STPG2: variants seen among roughly 807,000 people sequenced by gnomAD.
The protein encoded by STPG2 is sperm tail PG-rich repeat containing 2.
STPG2 carries 56 observed loss-of-function variants against 54.2 expected under a neutral mutation model. The ratio of observed to expected loss-of-function variants is 1.03; its 90% CI spans 0.83 to 1.29. The LOEUF is 1.29. STPG2 is among the 50% of genes most tolerant of loss of function. The pLI, the probability that STPG2 is intolerant of heterozygous loss-of-function variation, is 0.00. For synonymous variants in STPG2, 200 were observed against 181.8 expected, an observed-to-expected ratio of 1.10 and a Z score of -0.81; for missense variants, 596 against 544.9, an observed-to-expected ratio of 1.09 and a Z score of -0.93.
intron 4 of STPG2, among the ~76,000 whole-genome samples, chr4:97,544,948 A>G (rs924484351): frequency 6.6e-6 from 1 of 152,134 alleles, no homozygotes; most frequent in South Asian, 2.1e-4. Context: ...TACGAATGAC[A>G]TAAGTGATTG....
chr4:97,994,700 T>C (rs1735147069), intron 5 of STPG2, among the ~76,000 whole-genome samples: 1 of 151,962 alleles, frequency 6.6e-6, no homozygotes, highest in Non-Finnish European at 1.5e-5. Flanking sequence ...CTGGTGGAGG[T>C]AGCAGGGGAG....
At chr4:97,916,163 A>G (rs1160205531) in intron 8 of STPG2, among the ~76,000 whole-genome samples, 5 of 152,214 alleles carry the variant, frequency 3.3e-5, no homozygotes, top group African/African-American at 1.2e-4. Flanking sequence ...ATGTTTGGAC[A>G]ATAAGCTATA....
intron 5 of STPG2, among the ~76,000 whole-genome samples, chr4:98,088,998 A>C (rs1738606285): frequency 6.6e-6 from 1 of 152,142 alleles, no homozygotes; most frequent in Non-Finnish European, 1.5e-5. Context: ...AACTCTCTTG[A>C]AATTCAGTCC....
intron 10 of STPG2, among the ~76,000 whole-genome samples, chr4:97,566,710 T>C (rs536728213): frequency 6.6e-6 from 1 of 152,084 alleles, no homozygotes; most frequent in African/African-American, 2.4e-5. Flanking sequence ...CCATAAAAAA[T>C]GATGAGTTCA....
chr4:97,959,666 C>G (rs1246393955), intron 7 of STPG2, among the ~76,000 whole-genome samples: 1 of 151,744 alleles, frequency 6.6e-6, no homozygotes, highest in African/African-American at 2.4e-5. Context: ...GAAGCAGATA[C>G]CCTGAACAAA....
chr4:97,682,503 GC>G (rs1166719165), intron 10 of STPG2, among the ~76,000 whole-genome samples: 2 of 151,702 alleles, frequency 1.3e-5, no homozygotes, highest in African/African-American at 4.8e-5. Flanking sequence ...ACAGAACTAT[GC>G]CATGAATAAT....
intron 4 of STPG2, among the ~76,000 whole-genome samples, chr4:97,489,076 G>A (rs1254147563): frequency 6.6e-6 from 1 of 151,588 alleles, no homozygotes; most frequent in African/African-American, 2.4e-5. Context: ...TAGTGAATAA[G>A]TCTCATGAGA....
chr4:97,980,991 G>A (rs1734655078), intron 6 of STPG2, among the ~76,000 whole-genome samples, 168 bp downstream of exon 6: 1 of 152,072 alleles, frequency 6.6e-6, no homozygotes, highest in African/African-American at 2.4e-5. Flanking sequence ...ATATTATTTT[G>A]ATTTATCTGT....
intron 5 of STPG2, chr4:98,049,079 C>A (rs1454216882): frequency 6.6e-6 from 1 of 152,018 alleles, no homozygotes; most frequent in Non-Finnish European, 1.5e-5. Flanking sequence ...AAAAATTATA[C>A]CTTTTTCTTA....
At chr4:97,514,964 G>A (rs1174339322) in intron 4 of STPG2, among the ~76,000 whole-genome samples, 1 of 151,980 alleles carries the variant, frequency 6.6e-6, no homozygotes, top group African/African-American at 2.4e-5. Context: ...ACATGCATGG[G>A]TCTTTAAACC....
At chr4:97,968,305 C>T (rs1412691580) in intron 7 of STPG2, among the ~76,000 whole-genome samples, 2 of 152,054 alleles carry the variant, frequency 1.3e-5, no homozygotes, top group Non-Finnish European at 2.9e-5. Flanking sequence ...AATGGCCTAC[C>T]AACCAAAAAA....
intron 4 of STPG2, among the ~76,000 whole-genome samples, chr4:97,458,070 C>T (rs1208744751): frequency 2.0e-5 from 3 of 152,148 alleles, no homozygotes; most frequent in Admixed American, 6.6e-5. Context: ...AAAAGACTAG[C>T]GTTCTTACTA....
rs1432233180 is a variant in STPG2 at position 97,626,596 on chromosome 4, T to C, written c.1321-67479A>G. Among the ~76,000 whole-genome samples, 5 of 152,214 alleles carry C rather than the reference T, an allele frequency of 3.3e-5. No individual in the cohort carries two copies. In the South Asian group the frequency reaches 8.3e-4, roughly 25 times the overall value. Reference sequence around the variant, plus strand: ...TTTGAAATATTCCAAAATATTCTAGTATTTATGGGGAGTCTCAATATTTTC... The same window carrying C: ...TTTGAAATATTCCAAAATATTCTAGCATTTATGGGGAGTCTCAATATTTTC... On this transcript the variant is annotated intron_variant, in intron 10 of 10. Transcript: ENST00000295268.
chr4:97,612,647 G>C (rs1467566699), intron 10 of STPG2, among the ~76,000 whole-genome samples: 1 of 152,024 alleles, frequency 6.6e-6, no homozygotes, highest in Non-Finnish European at 1.5e-5. Flanking sequence ...ACTTACAAAG[G>C]AGGCTGGGGA....
chr4:97,526,322 T>C (rs1325350247), intron 4 of STPG2, among the ~76,000 whole-genome samples: 3 of 152,080 alleles, frequency 2.0e-5, no homozygotes, highest in Non-Finnish European at 2.9e-5. Context: ...CTATGATATA[T>C]AAACACATTT....
At chr4:98,062,262 A>T (rs879739020) in intron 5 of STPG2, among the ~76,000 whole-genome samples, 644 of 57,502 alleles carry the variant, frequency 0.011, 3 homozygotes, top group South Asian at 0.065. Context: ...ATGAACACAA[A>T]GAAGCAAACA....
intron 3 of STPG2, among the ~76,000 whole-genome samples, chr4:98,120,562 T>G (rs1330624315): frequency 1.3e-5 from 2 of 152,204 alleles, no homozygotes; most frequent in African/African-American, 4.8e-5. Context: ...CTCTGCAACC[T>G]TGCCAGCATC....
chr4:97,806,674 TA>T (rs1051484930), intron 9 of STPG2, among the ~76,000 whole-genome samples: 1 of 152,114 alleles, frequency 6.6e-6, no homozygotes, highest in Non-Finnish European at 1.5e-5. Flanking sequence ...TCATCAATGA[TA>T]AAAATATCAT....
chr4:98,011,513 C>G (rs780415865), intron 5 of STPG2, among the ~76,000 whole-genome samples: 5 of 152,072 alleles, frequency 3.3e-5, no homozygotes, highest in Non-Finnish European at 5.9e-5. Context: ...ATTTCTGGTT[C>G]TAGATCCTTG....
Sources: allele counts gnomAD v4.1 joint callset (sites outside exome capture counted in the v4.1 genomes callset), GRCh38; gene constraint gnomAD v4.1.1; transcripts MANE v1.5; gene names NCBI Gene and HGNC (gene_info 2026-07-23, HGNC 2026-07-21).